TMEM272: variants seen among roughly 807,000 people sequenced by gnomAD.
TMEM272 encodes the protein transmembrane protein 272.
Under a neutral mutation model 3.7 loss-of-function variants are expected in TMEM272, and 8 were observed. The observed-to-expected ratio is 2.17, with a 90% confidence interval of 1.27 to 3.91. The LOEUF (loss-of-function observed/expected upper bound fraction) is 3.91, where lower values mean the gene tolerates loss of function less well. Ranked by LOEUF, TMEM272 falls within the 30% of genes most tolerant of loss-of-function variation. The pLI is 0.00. For synonymous variants in TMEM272, 63 were observed against 39.8 expected (o/e 1.58, Z -2.20); for missense variants, 166 against 91.5 (o/e 1.81, Z -3.32).
chr13:51,834,918 G>A lies in TMEM272; in HGVS notation c.58+3555C>T, dbSNP rs375964658. Among the ~76,000 whole-genome samples the A allele has an allele frequency of 2.0e-5, 3 of 152,326 alleles. No individual in the cohort carries two copies. The South Asian group carries it at 6.2e-4, about 32-fold the overall frequency. On this transcript the variant is annotated intron_variant, in intron 2 of 4. Transcript: ENST00000629372. ...AAGCGATCCTCCAGGGTGGCAGCAG[G>A]CTGCAGGGAAGCAAATGTTCTGCAG...
the TMEM272 span, among the ~76,000 whole-genome samples, chr13:51,921,924 A>G: frequency 0.15 from 23,084 of 151,564 alleles, 2,250 homozygotes; most frequent in African/African-American, 0.28. Context: ...GTGTGTGTGT[A>G]TGTGTGTGTG....
Position 51,816,437 on chromosome 13 carries a change from C to A in TMEM272, c.*314G>T. ...TTGCACTATGATTTGAAAAGGTCTC[C>A]CATTCTTTGCCTCCCACACTTCATA... is the stretch of plus-strand genomic sequence containing the variant. On this transcript the variant is annotated 3_prime_UTR_variant, in exon 5 of 5. Coordinates refer to ENST00000629372, the MANE Select transcript of TMEM272 (RefSeq NM_001351003.2). The A allele has an allele frequency of 4.1e-6, 1 of 246,074 alleles. No homozygotes were observed. The highest frequency in any genetic ancestry group is 8.0e-6 in the Non-Finnish European group (1 of 125,598). 15.2% of individuals were successfully genotyped at this position (246,074 alleles called of 1,614,324 possible).
At chr13:51,852,818 G>T in the TMEM272 span, among the ~76,000 whole-genome samples, 1 of 150,908 alleles carries the variant, frequency 6.6e-6, no homozygotes, top group Non-Finnish European at 1.5e-5. Context: ...GGTGAAGGAT[G>T]CAGTGAGCCA....
At chr13:51,888,263 CT>C in the TMEM272 span, among the ~76,000 whole-genome samples, 1 of 152,160 alleles carries the variant, frequency 6.6e-6, no homozygotes, top group Non-Finnish European at 1.5e-5. Context: ...CCAAGCTGGT[CT>C]TGAACTCCTG....
the TMEM272 span, among the ~76,000 whole-genome samples, chr13:51,917,729 C>T: frequency 6.6e-6 from 1 of 152,142 alleles, no homozygotes. Flanking sequence ...TTCTGAGCTG[C>T]AAAATGCATT....
At chr13:51,821,919 C>T in intron 4 of TMEM272, 136 bp downstream of exon 4, 2 of 676,402 alleles carry the variant, frequency 3.0e-6, no homozygotes, top group Middle Eastern at 3.8e-4. Flanking sequence ...GAGCTAGCCC[C>T]ATCACTTCAG....
chr13:51,886,233 G>A, the TMEM272 span, among the ~76,000 whole-genome samples: 1 of 152,220 alleles, frequency 6.6e-6, no homozygotes, highest in Non-Finnish European at 1.5e-5. Flanking sequence ...AAAAAACAAA[G>A]AGGTGCTGAA....
chr13:51,858,193 A>G, the TMEM272 span, among the ~76,000 whole-genome samples: 7 of 152,226 alleles, frequency 4.6e-5, no homozygotes, highest in Non-Finnish European at 1.0e-4. Context: ...AGAAAAATCT[A>G]TAAGGATATA....
chr13:51,854,549 AT>A, the TMEM272 span, among the ~76,000 whole-genome samples: 1 of 152,170 alleles, frequency 6.6e-6, no homozygotes, highest in Non-Finnish European at 1.5e-5. Flanking sequence ...TTTGATGCCT[AT>A]GTTATTATAG....
intron 2 of TMEM272, among the ~76,000 whole-genome samples, chr13:51,830,170 G>A (rs1956161232): frequency 6.6e-6 from 1 of 152,346 alleles, no homozygotes; most frequent in Admixed American, 6.5e-5. Context: ...CTTGTGTCAT[G>A]TAAAACTTGC....
chr13:51,869,416 CTAAAT>C, the TMEM272 span, among the ~76,000 whole-genome samples: 3 of 152,078 alleles, frequency 2.0e-5, no homozygotes, highest in Non-Finnish European at 4.4e-5. Context: ...ACCCTTGTCC[CTAAAT>C]TAAAACTCGA....
chr13:51,826,611 C>G lies in TMEM272; in HGVS notation c.73G>C (p.Val25Leu). ...GGCAGAGCCAGGAAAGCACAGAGCA[C>G]AACAACGAAGCAGGCTGCAAGGAGA... is the stretch of plus-strand genomic sequence containing the variant. ...KIASNACFVV[V>L]LCAFLALPLS... Residue 25 changes from valine (V) to leucine (L), a missense_variant, in exon 3 of 5, where the codon GTG becomes CTG. By Grantham distance (32) the Val-to-Leu change is conservative (BLOSUM62 1). Coordinates refer to ENST00000629372, the MANE Select transcript of TMEM272 (RefSeq NM_001351003.2). The G allele has an allele frequency of 1.4e-6, 1 of 702,542 alleles. No individual in the cohort carries two copies. The highest frequency in any genetic ancestry group is 2.6e-6 in the Non-Finnish European group (1 of 384,990). 43.5% of individuals were successfully genotyped at this position (702,542 alleles called of 1,614,324 possible).
intron 2 of TMEM272, among the ~76,000 whole-genome samples, chr13:51,831,713 C>G (rs2139571581): frequency 6.6e-6 from 1 of 152,392 alleles, no homozygotes; most frequent in East Asian, 1.9e-4. Context: ...ACTCCTCAGT[C>G]TTTGGAGCTC....
the TMEM272 span, among the ~76,000 whole-genome samples, chr13:51,926,665 A>G: frequency 2.0e-5 from 3 of 149,468 alleles, no homozygotes; most frequent in East Asian, 2.0e-4. Context: ...GTGTGTGTGC[A>G]TGTGCGCGCA....
the TMEM272 span, among the ~76,000 whole-genome samples, chr13:51,886,848 G>A: frequency 1.3e-5 from 2 of 152,108 alleles, no homozygotes; most frequent in Admixed American, 6.5e-5. Context: ...TAACTTAGTC[G>A]CTCCAGAAAG....
chr13:51,900,473 T>C, the TMEM272 span, among the ~76,000 whole-genome samples: 1 of 152,166 alleles, frequency 6.6e-6, no homozygotes, highest in Non-Finnish European at 1.5e-5. Context: ...ATAACAGTGT[T>C]GGTGAAGATG....
Position 51,816,694 on chromosome 13 carries a change from TGCACGC to T in TMEM272, c.*51_*56del. ...GTGTGTGTGCGTCTGTGTGTCTGTG[TGCACGC>T]GCGTGCATGCACACGCATATGCATA... On this transcript the variant is annotated 3_prime_UTR_variant, in exon 5 of 5. Coordinates refer to ENST00000629372, the MANE Select transcript of TMEM272 (RefSeq NM_001351003.2). 1 of 646,812 alleles carries T rather than the reference TGCACGC, an allele frequency of 1.5e-6. No homozygotes were observed. The highest frequency in any genetic ancestry group is 2.1e-5 in the Admixed American group (1 of 46,672). 40.1% of individuals were successfully genotyped at this position (646,812 alleles called of 1,614,324 possible).
At chr13:51,843,794 C>T (rs1412308686) in intron 1 of TMEM272, among the ~76,000 whole-genome samples, 1 of 152,206 alleles carries the variant, frequency 6.6e-6, no homozygotes, top group African/African-American at 2.4e-5. Context: ...ATAGCCCCTG[C>T]TGCTTCCTCT....
At chr13:51,824,962 C>T (rs1386566340) in intron 3 of TMEM272, among the ~76,000 whole-genome samples, 1 of 152,064 alleles carries the variant, frequency 6.6e-6, no homozygotes, top group Admixed American at 6.5e-5. Flanking sequence ...CAAAAGAAAG[C>T]AAAAAGAAAG....
Sources: gnomAD v4.1 joint callset for allele counts (sites outside exome capture counted in the v4.1 genomes callset) on GRCh38, gnomAD v4.1.1 for gene constraint, MANE v1.5 for transcripts, NCBI Gene and HGNC (gene_info 2026-07-23, HGNC 2026-07-21) for gene names.